The following CD2AP variants were observed in gnomAD, a reference collection of about 807,000 sequenced individuals.
The protein encoded by CD2AP is CD2 associated protein.
CD2AP carries 46 observed loss-of-function variants against 85.1 expected under a neutral mutation model. The observed-to-expected ratio is 0.54, with a 90% CI of 0.43 to 0.69. The LOEUF (loss-of-function observed/expected upper bound fraction) is 0.69, where lower values mean the gene tolerates loss of function less well. CD2AP is among the 30% of genes least tolerant of loss of function. CD2AP has a pLI of 0.00. For synonymous variants in CD2AP, 255 were observed against 252.9 expected, an observed-to-expected ratio of 1.01 and a Z score of -0.08; for missense variants, 769 against 729.5, an observed-to-expected ratio of 1.05 and a Z score of -0.62.
chr6:47,523,978 G>A (rs1042078295), intron 2 of CD2AP, among the ~76,000 whole-genome samples: 4 of 152,102 alleles, frequency 2.6e-5, no homozygotes, highest in African/African-American at 9.7e-5. Flanking sequence ...TTGGTAGATA[G>A]CTTTAAAGAC....
chr6:47,528,646 C>G (rs1369860456), intron 2 of CD2AP, among the ~76,000 whole-genome samples: 2 of 152,112 alleles, frequency 1.3e-5, no homozygotes, highest in Non-Finnish European at 1.5e-5. Flanking sequence ...TACAATAAAA[C>G]ATAATCCCTT....
chr6:47,605,488 G>C (rs1391344055), intron 13 of CD2AP, among the ~76,000 whole-genome samples: 1 of 151,732 alleles, frequency 6.6e-6, no homozygotes, highest in Non-Finnish European at 1.5e-5. Context: ...GGTAATCCAT[G>C]TAGCTTTTTC....
chr6:47,594,290 AAAAAT>A (rs1768878026), intron 11 of CD2AP, among the ~76,000 whole-genome samples: 1 of 152,112 alleles, frequency 6.6e-6, no homozygotes, highest in South Asian at 2.1e-4. Context: ...CCTCAACTAA[AAAAAT>A]AAAATCTAGT....
intron 1 of CD2AP, among the ~76,000 whole-genome samples, chr6:47,501,765 G>C (rs1766004370): frequency 6.6e-6 from 1 of 152,002 alleles, no homozygotes; most frequent in African/African-American, 2.4e-5. Context: ...CAGGAAAGCT[G>C]TTATTGCTTT....
intron 3 of CD2AP, among the ~76,000 whole-genome samples, chr6:47,538,045 C>G (rs56023430): frequency 1.3e-5 from 2 of 151,782 alleles, no homozygotes; most frequent in African/African-American, 4.8e-5. Flanking sequence ...GCCACTGCTC[C>G]GGGCAAGAAA....
At chr6:47,580,451 C>T (rs899274325) in intron 9 of CD2AP, among the ~76,000 whole-genome samples, 1 of 94,608 alleles carries the variant, frequency 1.1e-5, no homozygotes, top group Admixed American at 1.4e-4. Flanking sequence ...TTTTTAAAAA[C>T]CAAAACAAAA....
At chr6:47,498,651 C>T (rs981805928) in intron 1 of CD2AP, among the ~76,000 whole-genome samples, 6 of 152,150 alleles carry the variant, frequency 3.9e-5, no homozygotes, top group Non-Finnish European at 7.4e-5. Flanking sequence ...CTTCAAAAAA[C>T]AGTAAGATAC....
intron 1 of CD2AP, among the ~76,000 whole-genome samples, chr6:47,479,862 T>G (rs1765401470): frequency 6.6e-6 from 1 of 152,106 alleles, no homozygotes; most frequent in Non-Finnish European, 1.5e-5. Context: ...TGTAACTGAT[T>G]AGTGTCCCCC....
At chr6:47,584,717 C>T (rs1446378356) in intron 11 of CD2AP, among the ~76,000 whole-genome samples, 1 of 151,928 alleles carries the variant, frequency 6.6e-6, no homozygotes, top group African/African-American at 2.4e-5. Flanking sequence ...ATATGCTGCA[C>T]AAACAATTTA....
intron 2 of CD2AP, among the ~76,000 whole-genome samples, chr6:47,509,650 AATAG>A (rs1233767777): frequency 2.0e-5 from 3 of 152,168 alleles, no homozygotes; most frequent in Non-Finnish European, 4.4e-5. Flanking sequence ...TTTGATCTAT[AATAG>A]ATTGTCATGC....
Position 47,552,774 on chromosome 6 carries a change from C to T in CD2AP, c.421-1872C>T, listed in dbSNP as rs188704094. Reference sequence around the variant, plus strand: ...GTCTACATCTAGTTTGGATCACTTCCAGTTCTTTGGTGCTTCTTTAAGTCT... The same window carrying T: ...GTCTACATCTAGTTTGGATCACTTCTAGTTCTTTGGTGCTTCTTTAAGTCT... On this transcript the variant is annotated intron_variant, in intron 4 of 17. Transcript: ENST00000359314. 3.3e-5 allele frequency among the ~76,000 whole-genome samples: 5 copies of T among 152,224 alleles called. No individual in the cohort carries two copies. In the East Asian group the frequency reaches 9.7e-4, roughly 29 times the overall value.
chr6:47,612,792 T>G (rs1562057641), intron 17 of CD2AP, among the ~76,000 whole-genome samples: 1 of 151,726 alleles, frequency 6.6e-6, no homozygotes, highest in African/African-American at 2.4e-5. Flanking sequence ...TTGTGGGAGC[T>G]AAAAAAAATT....
chr6:47,626,711 T>G lies in CD2AP; in HGVS notation c.*2484T>G, dbSNP rs1358011783. 6.6e-6 allele frequency: 1 copy of G among 152,442 alleles called. No individual in the cohort carries two copies. The highest frequency in any genetic ancestry group is 1.5e-5 in the Non-Finnish European group (1 of 67,892). 9.4% of individuals were successfully genotyped at this position (152,442 alleles called of 1,614,324 possible). A position where few individuals can be genotyped will look rare whatever the true frequency, so the allele number is the denominator to read the frequency against. On this transcript the variant is annotated 3_prime_UTR_variant, in exon 18 of 18. Coordinates refer to ENST00000359314, the MANE Select transcript of CD2AP (RefSeq NM_012120.3). ...CAGAAGATACTCTTTTTTATGCTCC[T>G]TACTGTGATCACAGAAAAATTAAAA...
chr6:47,611,897 A>G (rs890540176), intron 16 of CD2AP, among the ~76,000 whole-genome samples: 2 of 152,114 alleles, frequency 1.3e-5, no homozygotes, highest in Non-Finnish European at 2.9e-5. Context: ...AATATTGAAT[A>G]TTCACTTAAA....
Position 47,598,348 on chromosome 6 carries a change from C to T in CD2AP, c.1275-953C>T, listed in dbSNP as rs1042668530. 2.1e-4 allele frequency among the ~76,000 whole-genome samples: 32 copies of T among 151,144 alleles called. 1 individual carries two copies. Among genetic ancestry groups the T allele is most frequent in the African/African-American group, 7.7e-4 (32 of 41,430 alleles). ...ACTATGGAAAGCAGTGTGGAGATTC[C>T]TTAAAGAACTAAAAGCAGATCTACC... On this transcript the variant is annotated intron_variant, in intron 12 of 17. Coordinates refer to ENST00000359314, the MANE Select transcript of CD2AP (RefSeq NM_012120.3).
chr6:47,607,800 A>G (rs2114147645), intron 14 of CD2AP, 127 bp from the exon 15 acceptor site: 1 of 651,884 alleles, frequency 1.5e-6, no homozygotes. Flanking sequence ...CCTATTAATA[A>G]TAATGGGATA....
intron 4 of CD2AP, among the ~76,000 whole-genome samples, chr6:47,547,633 A>T (rs1296842316): frequency 6.6e-6 from 1 of 152,174 alleles, no homozygotes; most frequent in Non-Finnish European, 1.5e-5. Context: ...GACAAAGTCA[A>T]CAAAGAAACA....
chr6:47,593,112 G>A (rs1423282707), intron 11 of CD2AP, among the ~76,000 whole-genome samples: 2 of 152,124 alleles, frequency 1.3e-5, no homozygotes, highest in African/African-American at 4.8e-5. Context: ...CTCAGCTGGT[G>A]CCAGATAATT....
intron 4 of CD2AP, among the ~76,000 whole-genome samples, chr6:47,547,187 T>C (rs562862620): frequency 6.7e-4 from 102 of 152,266 alleles, no homozygotes; most frequent in African/African-American, 2.4e-3. Flanking sequence ...AATGGAATGG[T>C]GTCTCACATG....
Sources: gnomAD v4.1 joint callset for allele counts (sites outside exome capture counted in the v4.1 genomes callset) on GRCh38, gnomAD v4.1.1 for gene constraint, MANE v1.5 for transcripts, NCBI Gene and HGNC (gene_info 2026-07-23, HGNC 2026-07-21) for gene names.